The following FRMD4B variants were observed in gnomAD, a reference collection of about 807,000 sequenced individuals.
FRMD4B encodes FERM domain containing 4B.
A neutral mutation model predicts 141.5 loss-of-function variants in FRMD4B; 74 were observed. That is an observed-to-expected ratio of 0.52 (90% CI 0.43 to 0.63). FRMD4B has a LOEUF of 0.63. Ranked by LOEUF, FRMD4B falls within the 30% of genes least tolerant of loss-of-function variation. The probability of loss-of-function intolerance (pLI) is 0.00; values close to 1 mark genes in which losing one functional copy is unlikely to be tolerated. For missense variants in FRMD4B, 1,366 were observed against 1,253.4 expected, an observed-to-expected ratio of 1.09 and a Z score of -1.36; for synonymous variants, 506 against 467.9, an observed-to-expected ratio of 1.08 and a Z score of -1.05.
chr3:69,488,031 A>G (rs1706244925), intron 1 of FRMD4B, among the ~76,000 whole-genome samples: 1 of 152,196 alleles, frequency 6.6e-6, no homozygotes, highest in South Asian at 2.1e-4. Context: ...GAAAAGGGAA[A>G]GAAAAAGAAA....
At chr3:69,534,097 C>A (rs1011102620) in intron 1 of FRMD4B, among the ~76,000 whole-genome samples, 6 of 152,206 alleles carry the variant, frequency 3.9e-5, no homozygotes, top group African/African-American at 1.2e-4. Flanking sequence ...AGAATCTGAT[C>A]CCCAAGTGGT....
chr3:69,348,292 G>A (rs989817908), intron 1 of FRMD4B, among the ~76,000 whole-genome samples: 3 of 152,094 alleles, frequency 2.0e-5, no homozygotes, highest in African/African-American at 7.2e-5. Flanking sequence ...GGAAGAAGTT[G>A]AATCCCTGAA....
rs115079031 is a variant in FRMD4B, at chr3:69,489,671, C to G, written c.-129+52535G>C. On this transcript the variant is annotated intron_variant, in intron 1 of 5. Transcript: ENST00000459638. ...AATGGTGCAGCCACTTTGGAAAAGT[C>G]TAGCAGTTCCTCAAAAAATAAACAT... Among the ~76,000 whole-genome samples, 557 of 152,248 alleles carry G rather than the reference C, an allele frequency of 3.7e-3. 7 individuals carry two copies. The highest frequency in any genetic ancestry group is 0.012 in the African/African-American group (513 of 41,560).
intron 1 of FRMD4B, among the ~76,000 whole-genome samples, chr3:69,476,590 T>C (rs1300541712): frequency 2.0e-5 from 3 of 152,218 alleles, no homozygotes; most frequent in Non-Finnish European, 4.4e-5. Context: ...AGTACCCTGC[T>C]GTTTTGGTTA....
intron 16 of FRMD4B, 69 bp from the exon 17 acceptor site, chr3:69,193,942 T>C (rs375449302): frequency 2.1e-6 from 2 of 938,870 alleles, no homozygotes; most frequent in South Asian, 1.6e-5. Flanking sequence ...CATTGTGTAA[T>C]AAAACTTCCT....
chr3:69,420,894 G>A (rs191037770), intron 2 of FRMD4B, among the ~76,000 whole-genome samples: 341 of 152,304 alleles, frequency 2.2e-3, no homozygotes, highest in Middle Eastern at 6.8e-3. Flanking sequence ...CCAACAATAT[G>A]TTACCAGATG....
intron 7 of FRMD4B, among the ~76,000 whole-genome samples, chr3:69,248,735 A>C (rs1048213539): frequency 6.6e-6 from 1 of 152,238 alleles, no homozygotes; most frequent in Non-Finnish European, 1.5e-5. Flanking sequence ...AGTTAGAACC[A>C]TTAAGTGTCT....
At chr3:69,224,505 G>T (rs9848940) in intron 8 of FRMD4B, 102 bp downstream of exon 8, 699,963 of 703,802 alleles carry the variant, frequency 0.99, 348,175 homozygotes, top group East Asian at 1. Flanking sequence ...GATTGGCAAT[G>T]TGATATTTTT....
At chr3:69,512,760 C>A (rs1706709703) in intron 1 of FRMD4B, among the ~76,000 whole-genome samples, 1 of 152,024 alleles carries the variant, frequency 6.6e-6, no homozygotes, top group South Asian at 2.1e-4. Context: ...TCTTCCCGCC[C>A]AAATAAAACT....
rs751282878 is a variant in FRMD4B at position 69,311,263 on chromosome 3, G to C, written c.323C>G (p.Thr108Arg). The change falls in exon 3 of 23, where the codon ACA becomes AGA. Residue 108 changes from threonine (T) to arginine (R), a missense_variant and splice_region_variant. By Grantham distance (71) the Thr-to-Arg change is moderately conservative (BLOSUM62 -1). Coordinates refer to ENST00000398540, the MANE Select transcript of FRMD4B (RefSeq NM_015123.3). ...EYFGITFIDD[T>R]GQQNWLQLDH... is the part of the protein sequence containing the mutation. ...AAACTAAAACTATTAAAGGACTTAC[G>C]TGTCATCTATGAATGTTATTCCAAA... 5.0e-6 allele frequency: 7 copies of C among 1,409,456 alleles called. No homozygotes were observed. Among genetic ancestry groups the C allele is most frequent in the Non-Finnish European group, 7.0e-6 (7 of 996,034 alleles). The allele number at this position is 1,409,456 out of a possible 1,614,324, so 87.3% of individuals were successfully genotyped here. A position where few individuals can be genotyped will look rare whatever the true frequency, so the allele number is the denominator to read the frequency against.
chr3:69,509,940 T>C (rs1706662619), intron 1 of FRMD4B, among the ~76,000 whole-genome samples: 2 of 151,524 alleles, frequency 1.3e-5, no homozygotes, highest in South Asian at 4.2e-4. Flanking sequence ...AAGTTCTGTT[T>C]ACACTCTACT....
At chr3:69,176,221 A>G (rs762505492) in intron 22 of FRMD4B, among the ~76,000 whole-genome samples, 1 of 152,222 alleles carries the variant, frequency 6.6e-6, no homozygotes, top group Non-Finnish European at 1.5e-5. Context: ...ATTAGGGGTT[A>G]GCAAACTTTT....
intron 1 of FRMD4B, among the ~76,000 whole-genome samples, chr3:69,318,809 G>A (rs1457400824): frequency 1.3e-5 from 2 of 152,208 alleles, no homozygotes; most frequent in Non-Finnish European, 2.9e-5. Context: ...AGCTTCTTTT[G>A]ACAAATGGTA....
chr3:69,534,962 C>T (rs7629650), intron 1 of FRMD4B, among the ~76,000 whole-genome samples: 36,273 of 151,876 alleles, frequency 0.24, 4,566 homozygotes, highest in African/African-American at 0.31. Flanking sequence ...TCCTAGCCTC[C>T]ACAAAGCACA....
At chr3:69,295,452 G>C (rs1013218493) in intron 4 of FRMD4B, among the ~76,000 whole-genome samples, 53 of 152,244 alleles carry the variant, frequency 3.5e-4, no homozygotes, top group South Asian at 4.1e-4. Context: ...CTCCTGAGTA[G>C]CTGTGACTGC....
Position 69,439,044 on chromosome 3 carries a change from C to T in FRMD4B, c.-128-6283G>A, listed in dbSNP as rs546262303. On this transcript the variant is annotated intron_variant, in intron 1 of 5. Transcript: ENST00000459638. ...TTCTGAATTTGGTAGATATTTAGTTCGTGTGCGTGTGTGTGTATGTGTGTG... is the reference window on the plus strand; with the variant it reads ...TTCTGAATTTGGTAGATATTTAGTTTGTGTGCGTGTGTGTGTATGTGTGTG... Among the ~76,000 whole-genome samples the T allele has an allele frequency of 9.0e-5, 9 of 99,754 alleles. No individual in the cohort carries two copies. In the East Asian group the frequency reaches 9.9e-4, roughly 11 times the overall value. The allele number at this position is 99,754 out of a possible 152,430, so 65.4% of individuals were successfully genotyped here.
In FRMD4B at chr3:69,180,952, G is replaced by A. The variant is rs758774503; in HGVS notation, c.2798C>T (p.Ala933Val). The A allele has an allele frequency of 5.0e-6, 8 of 1,613,166 alleles. No homozygotes were observed. The highest frequency in any genetic ancestry group is 2.2e-5 in the South Asian group (2 of 91,068). ...DRGSQRCLGF[A>V]GLQVPCSPSS... ...TGGAGAACAAGGTACTTGCAGCCCC[G>A]CAAACCCCAGGCATCTCTGTGATCC... The change falls in exon 21 of 23, where the codon GCG (alanine) becomes GTG (valine). Residue 933 changes from alanine (A) to valine (V), a missense_variant. Physicochemically the swap from Ala to Val is moderately conservative, Grantham distance 64 (BLOSUM62 0). Transcript: ENST00000398540.
chr3:69,281,832 A>T (rs1395558495), intron 5 of FRMD4B, among the ~76,000 whole-genome samples: 19 of 52,948 alleles, frequency 3.6e-4, no homozygotes, highest in African/African-American at 9.6e-4. Context: ...TCAAAAAAAA[A>T]AAAAAAATAT....
At chr3:69,470,756 C>A (rs370389899) in intron 1 of FRMD4B, among the ~76,000 whole-genome samples, 3 of 152,226 alleles carry the variant, frequency 2.0e-5, no homozygotes, top group East Asian at 1.9e-4. Flanking sequence ...TGTTAAGTGT[C>A]CTAAGTACTT....
Sources: allele counts gnomAD v4.1 joint callset (sites outside exome capture counted in the v4.1 genomes callset), GRCh38; gene constraint gnomAD v4.1.1; transcripts MANE v1.5; gene names NCBI Gene and HGNC (gene_info 2026-07-23, HGNC 2026-07-21).